The following GOLM1 variants were observed in gnomAD, a reference collection of about 807,000 sequenced individuals.
GOLM1 encodes epididymis luminal protein 46.
A neutral mutation model predicts 50.5 loss-of-function variants in GOLM1; 31 were observed. That is an observed-to-expected ratio of 0.61 (90% CI 0.46 to 0.83). The LOEUF (loss-of-function observed/expected upper bound fraction) is 0.83, where lower values mean the gene tolerates loss of function less well. GOLM1 is among the 40% of genes least tolerant of loss of function. GOLM1 has a pLI of 0.00. For missense variants in GOLM1, 491 were observed against 501.3 expected, an observed-to-expected ratio of 0.98 and a Z score of 0.20; for synonymous variants, 178 against 192.8, an observed-to-expected ratio of 0.92 and a Z score of 0.64.
intron 3 of GOLM1, among the ~76,000 whole-genome samples, chr9:86,067,351 A>T (rs1365996089): frequency 6.6e-6 from 1 of 152,260 alleles, no homozygotes; most frequent in East Asian, 1.9e-4. Flanking sequence ...CCAAAAACTA[A>T]AACCCAAGTA....
At position 86,077,715 on chromosome 9, in the gene GOLM1, C is replaced by T. The variant is rs1379255874; in HGVS notation, c.130-124G>A. 3 of 670,074 alleles carry T rather than the reference C, an allele frequency of 4.5e-6. No individual in the cohort carries two copies. In the African/African-American group the frequency reaches 5.4e-5, roughly 12 times the overall value. The allele number at this position is 670,074 out of a possible 1,614,324, so 41.5% of individuals were successfully genotyped here. A position where few individuals can be genotyped will look rare whatever the true frequency, so the allele number is the denominator to read the frequency against. On this transcript the variant is annotated intron_variant, in intron 2 of 9. Coordinates refer to ENST00000388712, the MANE Select transcript of GOLM1 (RefSeq NM_016548.4). ...AGCACCAGTCTTATACACACAAGTGCCCAAGGCTGTGTTTTAAGTCAACTG... is the reference window on the plus strand; with the variant it reads ...AGCACCAGTCTTATACACACAAGTGTCCAAGGCTGTGTTTTAAGTCAACTG...
chr9:86,082,270 C>T (rs956505481), intron 1 of GOLM1, among the ~76,000 whole-genome samples: 4 of 141,576 alleles, frequency 2.8e-5, no homozygotes, highest in Non-Finnish European at 6.1e-5. Flanking sequence ...TTGTGATCCG[C>T]CCGCCTCGGC....
intron 5 of GOLM1, among the ~76,000 whole-genome samples, chr9:86,041,277 G>A (rs577220332): frequency 6.6e-6 from 1 of 152,280 alleles, no homozygotes; most frequent in African/African-American, 2.4e-5. Flanking sequence ...AGGGGGTCTT[G>A]GAGGTGGGGA....
intron 6 of GOLM1, among the ~76,000 whole-genome samples, chr9:86,039,576 G>T (rs543055283): frequency 6.6e-6 from 1 of 152,244 alleles, no homozygotes; most frequent in Non-Finnish European, 1.5e-5. Context: ...ATCCACATGT[G>T]GTCTATCCAC....
intron 1 of GOLM1, among the ~76,000 whole-genome samples, chr9:86,092,173 G>A (rs1053107855): frequency 2.0e-5 from 3 of 152,242 alleles, no homozygotes; most frequent in African/African-American, 7.2e-5. Context: ...AGAGGATTCA[G>A]TGAGTTGAGT....
At chr9:86,060,367 G>A (rs927146543) in intron 3 of GOLM1, among the ~76,000 whole-genome samples, 1 of 151,994 alleles carries the variant, frequency 6.6e-6, no homozygotes, top group East Asian at 1.9e-4. Context: ...GTCATTTATG[G>A]CATCCTGCTA....
chr9:86,071,345 G>A (rs1328798414), intron 3 of GOLM1, among the ~76,000 whole-genome samples: 2 of 151,638 alleles, frequency 1.3e-5, no homozygotes, highest in African/African-American at 2.4e-5. Context: ...CAATCCTCCC[G>A]CCTTAGCCTC....
rs370694980 is a variant in GOLM1, at chr9:86,041,540, A to G, written c.468-672T>C. ...ACTGGATGGGGGCGGCTGACTCCAC[A>G]GGGCAGCCGTTCCTGTCTCCCCCCG... On this transcript the variant is annotated intron_variant, in intron 5 of 9. Coordinates refer to ENST00000388712, the MANE Select transcript of GOLM1 (RefSeq NM_016548.4). 5.5e-3 allele frequency among the ~76,000 whole-genome samples: 832 copies of G among 152,306 alleles called. 10 individuals carry two copies. Among genetic ancestry groups the G allele is most frequent in the South Asian group, 0.033 (159 of 4,824 alleles).
At chr9:86,062,233 G>A (rs111971182) in intron 3 of GOLM1, among the ~76,000 whole-genome samples, 27 of 152,198 alleles carry the variant, frequency 1.8e-4, no homozygotes, top group African/African-American at 5.5e-4. Context: ...GGGGTCACCC[G>A]GGTGCCCAGC....
intron 1 of GOLM1, among the ~76,000 whole-genome samples, chr9:86,082,218 C>T (rs1490598421): frequency 2.0e-5 from 3 of 150,954 alleles, no homozygotes; most frequent in Admixed American, 6.6e-5. Context: ...TTAGTAGAGA[C>T]GAAGTTCCCC....
At chr9:86,037,418 G>A (rs1442413735) in intron 6 of GOLM1, among the ~76,000 whole-genome samples, 24 of 138,070 alleles carry the variant, frequency 1.7e-4, no homozygotes, top group Middle Eastern at 4.7e-3. Flanking sequence ...AGCCTGGGGC[G>A]ACAGAGCGAG....
At position 86,071,078 on chromosome 9, in the gene GOLM1, TACAC is replaced by T. The variant is rs58612344; in HGVS notation, c.309+6330_309+6333del. On this transcript the variant is annotated intron_variant, in intron 3 of 9. Transcript: ENST00000388712. Reference sequence around the variant, plus strand: ...AAACATTTACACACATATATACATGTACACACACACACACACACACACACACACG... The same window carrying T: ...AAACATTTACACACATATATACATGTACACACACACACACACACACACACG... 3.1e-3 allele frequency among the ~76,000 whole-genome samples: 465 copies of T among 147,886 alleles called. 2 individuals carry two copies. The highest frequency in any genetic ancestry group is 5.6e-3 in the African/African-American group (225 of 39,986).
intron 3 of GOLM1, among the ~76,000 whole-genome samples, chr9:86,053,078 CACG>C (rs201040810): frequency 0.013 from 1,865 of 140,164 alleles, 38 homozygotes; most frequent in African/African-American, 0.045. Context: ...CACCACTCTA[CACG>C]ACACTACACC....
At chr9:86,052,698 G>T in intron 3 of GOLM1, 107 bp from the exon 4 acceptor site, 2 of 915,298 alleles carry the variant, frequency 2.2e-6, no homozygotes, top group Non-Finnish European at 3.6e-6. Context: ...CAGCGCTGCT[G>T]TCAGGGAAGG....
At chr9:86,037,143 G>A (rs1010641562) in intron 6 of GOLM1, among the ~76,000 whole-genome samples, 6 of 152,226 alleles carry the variant, frequency 3.9e-5, no homozygotes, top group Non-Finnish European at 5.9e-5. Flanking sequence ...AGCCAGGCGC[G>A]GTGGCGCACA....
At chr9:86,059,124 T>C (rs1486937593) in intron 3 of GOLM1, among the ~76,000 whole-genome samples, 1 of 152,044 alleles carries the variant, frequency 6.6e-6, no homozygotes, top group Non-Finnish European at 1.5e-5. Flanking sequence ...GCAATCCCTG[T>C]GAAAGTCTGT....
intron 6 of GOLM1, among the ~76,000 whole-genome samples, chr9:86,039,909 A>G (rs1833278962): frequency 6.6e-6 from 1 of 151,384 alleles, no homozygotes; most frequent in African/African-American, 2.4e-5. Context: ...CAGAGGCTGC[A>G]GTGAGCTGAG....
chr9:86,083,174 G>A (rs997836403), intron 1 of GOLM1, among the ~76,000 whole-genome samples: 1 of 152,158 alleles, frequency 6.6e-6, no homozygotes, highest in Non-Finnish European at 1.5e-5. Flanking sequence ...CAAAAGCCAA[G>A]GATGTTCAAG....
chr9:86,059,992 A>AT (rs969632277), intron 3 of GOLM1, among the ~76,000 whole-genome samples: 5 of 130,168 alleles, frequency 3.8e-5, no homozygotes, highest in African/African-American at 1.4e-4. Context: ...TGTATGATAC[A>AT]TTAAAAAATG....
Sources: allele counts gnomAD v4.1 joint callset (sites outside exome capture counted in the v4.1 genomes callset), GRCh38; gene constraint gnomAD v4.1.1; transcripts MANE v1.5; gene names NCBI Gene and HGNC (gene_info 2026-07-23, HGNC 2026-07-21).